Variants in PRELID2 observed in about 807,000 individuals in gnomAD.
PRELID2 encodes PRELI domain-containing protein 2.
In PRELID2, 25 loss-of-function variants were observed where a neutral mutation model predicts 28.4. The observed-to-expected ratio is 0.88, with a 90% CI of 0.64 to 1.23. The LOEUF (loss-of-function observed/expected upper bound fraction) is 1.23, where lower values mean the gene tolerates loss of function less well. PRELID2 is among the 50% of genes most tolerant of loss of function. PRELID2 has a pLI of 0.00. For missense variants in PRELID2, 201 were observed against 214.4 expected (o/e 0.94, Z 0.39); for synonymous variants, 76 against 71.6 (o/e 1.06, Z -0.31).
chr5:145,534,158 C>A (rs980767618), intron 1 of PRELID2, among the ~76,000 whole-genome samples: 1 of 151,934 alleles, frequency 6.6e-6, no homozygotes, highest in Non-Finnish European at 1.5e-5. Flanking sequence ...TATTTAGGTC[C>A]TTTGACCCAT....
At chr5:145,361,047 G>T in the PRELID2 span, among the ~76,000 whole-genome samples, 2 of 152,098 alleles carry the variant, frequency 1.3e-5, no homozygotes, top group African/African-American at 4.8e-5. Context: ...AAAATATTTT[G>T]TAATCCTTAG....
At chr5:145,316,158 T>A in the PRELID2 span, among the ~76,000 whole-genome samples, 5 of 152,344 alleles carry the variant, frequency 3.3e-5, no homozygotes, top group East Asian at 9.6e-4. Context: ...AGGGTCTGTA[T>A]ATTGCTGTTG....
At chr5:145,445,418 T>G in the PRELID2 span, among the ~76,000 whole-genome samples, 1 of 151,984 alleles carries the variant, frequency 6.6e-6, no homozygotes, top group Non-Finnish European at 1.5e-5. Context: ...ACTGAAACTA[T>G]GAAACTACTA....
the PRELID2 span, among the ~76,000 whole-genome samples, chr5:145,276,770 G>T: frequency 7.2e-5 from 11 of 152,054 alleles, no homozygotes; most frequent in African/African-American, 2.7e-4. Context: ...TCACTTTCCT[G>T]TTGAATGCAA....
chr5:145,521,082 A>G lies in PRELID2; in HGVS notation n.71-47767T>C, dbSNP rs142167419. Among the ~76,000 whole-genome samples, 12 of 152,280 alleles carry G rather than the reference A, an allele frequency of 7.9e-5. No homozygotes were observed. The East Asian group carries it at 2.1e-3, about 27-fold the overall frequency. On this transcript the variant is annotated intron_variant and non_coding_transcript_variant, in intron 1 of 2. Transcript: ENST00000510259. ...TAACAAATCTACGGCTTTCATGGGT[A>G]AGGACAGTGTTTAATTCACAGAAAT...
chr5:145,430,215 C>T, the PRELID2 span, among the ~76,000 whole-genome samples: 1 of 152,208 alleles, frequency 6.6e-6, no homozygotes, highest in African/African-American at 2.4e-5. Flanking sequence ...TGAAGTATTG[C>T]CTGATACCTA....
chr5:145,355,998 T>A, the PRELID2 span, among the ~76,000 whole-genome samples: 1 of 152,242 alleles, frequency 6.6e-6, no homozygotes, highest in East Asian at 1.9e-4. Flanking sequence ...AAGAGTAATT[T>A]CTATGGAATA....
the PRELID2 span, among the ~76,000 whole-genome samples, chr5:145,425,761 G>C: frequency 6.6e-6 from 1 of 152,108 alleles, no homozygotes; most frequent in Admixed American, 6.5e-5. Context: ...GTTGTGGGTT[G>C]TTCTGGGGCG....
intron 1 of PRELID2, among the ~76,000 whole-genome samples, chr5:145,544,709 T>A (rs939582039): frequency 6.6e-6 from 1 of 152,142 alleles, no homozygotes; most frequent in Non-Finnish European, 1.5e-5. Context: ...AAGTTCACTG[T>A]TGTACACTAG....
intron 1 of PRELID2, among the ~76,000 whole-genome samples, chr5:145,590,632 T>C (rs1006447030): frequency 3.9e-5 from 6 of 152,230 alleles, no homozygotes; most frequent in Non-Finnish European, 8.8e-5. Context: ...CCAGTCTTAC[T>C]AAATTGTTAC....
In PRELID2 at chr5:145,497,687, G is replaced by C. The variant is rs117117017; in HGVS notation, n.71-24372C>G. Among the ~76,000 whole-genome samples the C allele has an allele frequency of 6.0e-4, 92 of 152,286 alleles. No homozygotes were observed. In the East Asian group the frequency reaches 0.012, roughly 19 times the overall value. On this transcript the variant is annotated intron_variant and non_coding_transcript_variant, in intron 1 of 2. Coordinates refer to the PRELID2 transcript ENST00000510259. ...CTGTGCTCACTCAAGTAGTTTCGGA[G>C]ATTTCCATGTTTCCAATCCCAGGAG...
At chr5:145,639,900 T>C (rs1014056905) in intron 1 of PRELID2, among the ~76,000 whole-genome samples, 1 of 152,194 alleles carries the variant, frequency 6.6e-6, no homozygotes, top group African/African-American at 2.4e-5. Context: ...TACTCCCAGA[T>C]GGCCAAAAGC....
chr5:145,543,824 C>T (rs1482123710), intron 1 of PRELID2, among the ~76,000 whole-genome samples: 1 of 151,984 alleles, frequency 6.6e-6, no homozygotes, highest in African/African-American at 2.4e-5. Context: ...GGCTCTAAGG[C>T]TTCACTTTTC....
At chr5:145,590,340 C>A (rs1034594356) in intron 1 of PRELID2, among the ~76,000 whole-genome samples, 1 of 152,140 alleles carries the variant, frequency 6.6e-6, no homozygotes, top group African/African-American at 2.4e-5. Context: ...GTTCTCTGTT[C>A]TTTCATGAAT....
At chr5:145,803,865 C>G (rs1343531071) in intron 4 of PRELID2, among the ~76,000 whole-genome samples, 2 of 152,030 alleles carry the variant, frequency 1.3e-5, no homozygotes, top group African/African-American at 4.8e-5. Flanking sequence ...AACCACTTGG[C>G]AATGAAGGGA....
chr5:145,675,301 C>A (rs191177503), intron 1 of PRELID2, among the ~76,000 whole-genome samples: 1 of 151,608 alleles, frequency 6.6e-6, no homozygotes, highest in Admixed American at 6.5e-5. Flanking sequence ...GAGACTTAAT[C>A]TTACTAATAA....
chr5:145,594,575 C>T (rs1294629576), intron 1 of PRELID2, among the ~76,000 whole-genome samples: 5 of 152,058 alleles, frequency 3.3e-5, no homozygotes, highest in Admixed American at 1.3e-4. Context: ...CAGTATTATA[C>T]ATAAAACCAA....
chr5:145,754,288 C>A (rs1757200171), downstream of PRELID2: 1 of 152,144 alleles, frequency 6.6e-6, no homozygotes, highest in South Asian at 2.1e-4. Flanking sequence ...ACATTATTTG[C>A]TGGTGAGCTT....
chr5:145,735,018 G>A (rs1435193552), intron 1 of PRELID2, among the ~76,000 whole-genome samples: 3 of 152,022 alleles, frequency 2.0e-5, no homozygotes, highest in Admixed American at 6.6e-5. Context: ...AGGATAAGGC[G>A]GGCAGATCAT....
Sources: gnomAD v4.1 joint callset for allele counts (sites outside exome capture counted in the v4.1 genomes callset) on GRCh38, gnomAD v4.1.1 for gene constraint, MANE v1.5 for transcripts, NCBI Gene and HGNC (gene_info 2026-07-23, HGNC 2026-07-21) for gene names.